The following DMD variants were observed in gnomAD, a reference collection of about 807,000 sequenced individuals.
The protein encoded by DMD is dystrophin.
A neutral mutation model predicts 330.1 loss-of-function variants in DMD; 63 were observed. That is an observed-to-expected ratio of 0.19 (90% CI 0.16 to 0.24). The LOEUF (loss-of-function observed/expected upper bound fraction) is 0.24. Ranked by LOEUF, DMD falls within the 10% of genes least tolerant of loss-of-function variation. The pLI is 1.00. For synonymous variants in DMD, 1,223 were observed against 959.8 expected (o/e 1.27, Z -5.07); for missense variants, 3,344 against 2,684.1 (o/e 1.25, Z -5.43).
At chrX:31,802,916 A>C (rs1249777651) in intron 50 of DMD, among the ~76,000 whole-genome samples, 2 of 111,534 alleles carry the variant, frequency 1.8e-5, no homozygotes, top group African/African-American at 6.5e-5. Flanking sequence ...GATCCCTAGG[A>C]AGCAAGAATG....
intron 2 of DMD, among the ~76,000 whole-genome samples, chrX:32,978,167 G>A (rs1985272578): frequency 8.9e-6 from 1 of 111,832 alleles, no homozygotes; most frequent in Admixed American, 9.5e-5. Flanking sequence ...GGCAGGAAGA[G>A]TTTACTACAC....
intron 2 of DMD, among the ~76,000 whole-genome samples, chrX:32,972,538 A>G (rs1226582463): frequency 8.9e-6 from 1 of 111,876 alleles, no homozygotes; most frequent in Admixed American, 9.5e-5. Context: ...AGTAGGTCTT[A>G]TTGTGATGAA....
intron 40 of DMD, chrX:32,342,503 G>A: frequency 2.5e-6 from 1 of 404,800 alleles, no homozygotes; most frequent in South Asian, 4.4e-5. Context: ...TTCTAATTAA[G>A]TAAATATTGA....
At chrX:31,596,831 A>G (rs975021220) in intron 55 of DMD, among the ~76,000 whole-genome samples, 1 of 112,022 alleles carries the variant, frequency 8.9e-6, no homozygotes, top group African/African-American at 3.2e-5. Flanking sequence ...GAGCCCTACT[A>G]CTCAAAGTGT....
intron 67 of DMD, among the ~76,000 whole-genome samples, chrX:31,196,883 G>A (rs946190846): frequency 1.7e-4 from 17 of 98,783 alleles, no homozygotes; most frequent in African/African-American, 3.7e-4. Context: ...CAGTTGACCC[G>A]GGGAATGCTG....
At chrX:32,655,040 TTCTTA>T (rs1356741256) in intron 9 of DMD, among the ~76,000 whole-genome samples, 3 of 111,899 alleles carry the variant, frequency 2.7e-5, no homozygotes, top group Non-Finnish European at 5.6e-5. Flanking sequence ...CTTCTCTCTT[TTCTTA>T]TTAGTCTTGC....
chrX:32,601,008 G>T (rs1439078128), intron 12 of DMD, among the ~76,000 whole-genome samples: 1 of 111,421 alleles, frequency 9.0e-6, no homozygotes, highest in East Asian at 2.8e-4. Flanking sequence ...ATCAGAAAGT[G>T]TTAGGATTTC....
intron 2 of DMD, among the ~76,000 whole-genome samples, chrX:32,995,900 C>T (rs1447373399): frequency 8.9e-6 from 1 of 111,795 alleles, no homozygotes; most frequent in Non-Finnish European, 1.9e-5. Flanking sequence ...AGCTATCTAG[C>T]TCGGATTTAA....
chrX:32,773,717 ATTTTCTATTAT>A, intron 7 of DMD, among the ~76,000 whole-genome samples: 1 of 109,257 alleles, frequency 9.2e-6, no homozygotes. Context: ...CTCCAGTTTT[ATTTTCTATTAT>A]TTTTCTTTCT....
chrX:31,465,576 G>A lies in DMD; in HGVS notation c.8937+12530C>T, dbSNP rs755386501. On this transcript the variant is annotated intron_variant, in intron 59 of 78. Coordinates refer to ENST00000357033, the MANE Select transcript of DMD (RefSeq NM_004006.3). ...CTGCATAGTATTCCATGGTGTATCT[G>A]TGCCACGTTTTCTTTATCCAGTCTA... 2.7e-5 allele frequency among the ~76,000 whole-genome samples: 3 copies of A among 111,808 alleles called. No homozygotes were observed. In the East Asian group the frequency reaches 8.4e-4, roughly 31 times the overall value.
rs1332441640 is a variant in DMD, at chrX:31,231,820, C to G, written c.9287-8699G>C. Among the ~76,000 whole-genome samples, 3 of 111,726 alleles carry G rather than the reference C, an allele frequency of 2.7e-5. No individual in the cohort carries two copies. In the East Asian group the frequency reaches 8.5e-4, roughly 31 times the overall value. ...ATCGCTTGAACCTGGGAGGTGGAGG[C>G]TGCAGTGAGCCGAGATTGTGCCGTT... is the stretch of plus-strand genomic sequence containing the variant. On this transcript the variant is annotated intron_variant, in intron 63 of 78. Transcript: ENST00000357033.
In DMD at chrX:32,667,768, T is replaced by A. The variant is rs891387332; in HGVS notation, c.961-22616A>T. On this transcript the variant is annotated intron_variant, in intron 9 of 78. Coordinates refer to ENST00000357033, the MANE Select transcript of DMD (RefSeq NM_004006.3). ...GTTCTCACCATTCTCTGCTTTTGTG[T>A]TTTTTTTTTTTTTTTTTCCAGTTTT... is the stretch of plus-strand genomic sequence containing the variant. Among the ~76,000 whole-genome samples, 23 of 23,136 alleles carry A rather than the reference T, an allele frequency of 9.9e-4. 2 individuals carry two copies. The South Asian group carries it at 0.025, about 25-fold the overall frequency. The allele number at this position is 23,136 out of a possible 115,157, so 20.1% of individuals were successfully genotyped here. A position where few individuals can be genotyped will look rare whatever the true frequency, so the allele number is the denominator to read the frequency against.
At chrX:31,366,488 A>C (rs1372348970) in intron 60 of DMD, among the ~76,000 whole-genome samples, 1 of 99,047 alleles carries the variant, frequency 1.0e-5, no homozygotes, top group Non-Finnish European at 2.0e-5. Flanking sequence ...AAAAAAAAAA[A>C]AAAAAAAACA....
rs183123598 is a variant in DMD at position 33,184,621 on chromosome X, G to A, written c.31+26661C>T. On this transcript the variant is annotated intron_variant, in intron 1 of 78. Coordinates refer to ENST00000357033, the MANE Select transcript of DMD (RefSeq NM_004006.3). ...GAAAATAATAAATAAAATAATAGTG[G>A]AATAAAATTGATACTTTATTTCCTA... Among the ~76,000 whole-genome samples, 247 of 109,115 alleles carry A rather than the reference G, an allele frequency of 2.3e-3. 1 individual carries two copies. Among genetic ancestry groups the A allele is most frequent in the Non-Finnish European group, 1.3e-3 (70 of 52,551 alleles). 94.8% of individuals were successfully genotyped at this position (109,115 alleles called of 115,157 possible).
intron 43 of DMD, among the ~76,000 whole-genome samples, chrX:32,249,110 C>T (rs1425557446): frequency 9.0e-6 from 1 of 111,236 alleles, no homozygotes; most frequent in Non-Finnish European, 1.9e-5. Flanking sequence ...CCATGCTCTA[C>T]CATAAGAATT....
chrX:31,818,756 C>A (rs1412674168), intron 50 of DMD, among the ~76,000 whole-genome samples: 4 of 108,783 alleles, frequency 3.7e-5, no homozygotes, highest in South Asian at 7.9e-4. Context: ...AAAAAAAAAA[C>A]CATAATGCTT....
chrX:32,465,613 T>A (rs1412781010), intron 23 of DMD, among the ~76,000 whole-genome samples: 2 of 85,026 alleles, frequency 2.4e-5, no homozygotes, highest in Non-Finnish European at 4.4e-5. Context: ...TGAGATGGAG[T>A]CTTGCTCTGT....
intron 44 of DMD, among the ~76,000 whole-genome samples, chrX:32,044,703 T>C (rs1261943282): frequency 8.9e-5 from 10 of 111,811 alleles, no homozygotes; most frequent in East Asian, 2.8e-4. Context: ...ATTACAGGCG[T>C]GAGCCTCCGC....
intron 55 of DMD, among the ~76,000 whole-genome samples, chrX:31,585,486 CT>C (rs61006241): frequency 0.19 from 17,743 of 94,911 alleles, 1,362 homozygotes; most frequent in East Asian, 0.3. Context: ...TGGCTTCTTC[CT>C]TTTTTTTTTT....
Sources: gnomAD v4.1 joint callset for allele counts (sites outside exome capture counted in the v4.1 genomes callset) on GRCh38, gnomAD v4.1.1 for gene constraint, MANE v1.5 for transcripts, NCBI Gene and HGNC (gene_info 2026-07-23, HGNC 2026-07-21) for gene names.